TLE4: variants seen among roughly 807,000 people sequenced by gnomAD.
TLE4 encodes TLE family member 4, transcriptional corepressor.
In TLE4, 8 loss-of-function variants were observed where a neutral mutation model predicts 92.8. The ratio of observed to expected loss-of-function variants is 0.09; its 90% CI spans 0.05 to 0.16. The LOEUF (loss-of-function observed/expected upper bound fraction) is 0.16, where lower values mean the gene tolerates loss of function less well. Ranked by LOEUF, TLE4 falls within the 10% of genes least tolerant of loss-of-function variation. The pLI, the probability that TLE4 is intolerant of heterozygous loss-of-function variation, is 1.00. For missense variants in TLE4, 675 were observed against 997.6 expected (o/e 0.68, Z 4.36); for synonymous variants, 371 against 374.1 (o/e 0.99, Z 0.10).
In TLE4 at chr9:79,706,870, C is replaced by A. The variant is rs748857841; in HGVS notation, c.907C>A (p.Pro303Thr). 6.2e-7 allele frequency: 1 copy of A among 1,614,186 alleles called. No homozygotes were observed. The highest frequency in any genetic ancestry group is 8.5e-7 in the Non-Finnish European group (1 of 1,180,024). Residue 303 changes from proline (P) to threonine (T), a missense_variant, in exon 11 of 20, where the codon CCC becomes ACC. Pro to Thr is a conservative substitution (Grantham distance 38, BLOSUM62 -1). Transcript: ENST00000376552. ...CTCTATTGCATCTTCCAGCAGTACT[C>A]CCTCCTCCAAATCCAAAGAACTTAG... Reference protein sequence around the residue: ...PASIASSSSTPSSKSKELSLN... With the variant: ...PASIASSSSTTSSKSKELSLN...
At chr9:79,667,458 G>A (rs1564770184) in intron 8 of TLE4, among the ~76,000 whole-genome samples, 1 of 152,116 alleles carries the variant, frequency 6.6e-6, no homozygotes, top group Non-Finnish European at 1.5e-5. Flanking sequence ...AATGTCAATA[G>A]TTTTAATCAA....
At chr9:79,666,822 C>A (rs1418967155) in intron 8 of TLE4, among the ~76,000 whole-genome samples, 1 of 150,884 alleles carries the variant, frequency 6.6e-6, no homozygotes, top group Non-Finnish European at 1.5e-5. Flanking sequence ...TAAGACTGGG[C>A]TACCAAAAAC....
chr9:79,630,044 A>G (rs952518916), intron 6 of TLE4, among the ~76,000 whole-genome samples: 2 of 152,184 alleles, frequency 1.3e-5, no homozygotes, highest in Non-Finnish European at 2.9e-5. Context: ...AAGGAATGAC[A>G]GTTTTCCTTT....
intron 5 of TLE4, among the ~76,000 whole-genome samples, chr9:79,617,865 T>C (rs2050028978): frequency 6.6e-6 from 1 of 151,864 alleles, no homozygotes; most frequent in Admixed American, 6.6e-5. Context: ...TTCTCTCTCA[T>C]GTAATAGTAA....
intron 8 of TLE4, among the ~76,000 whole-genome samples, chr9:79,685,955 C>T (rs1472266691): frequency 6.6e-6 from 1 of 151,894 alleles, no homozygotes; most frequent in East Asian, 1.9e-4. Context: ...TTCAACTAAC[C>T]ACAGATTGAA....
chr9:79,649,941 G>A, intron 6 of TLE4: 2 of 1,226,976 alleles, frequency 1.6e-6, no homozygotes, highest in African/African-American at 1.6e-5. Context: ...TTTGAGACAG[G>A]GTTTCACTCT....
intron 4 of TLE4, among the ~76,000 whole-genome samples, chr9:79,595,062 A>G (rs2043611606): frequency 6.6e-6 from 1 of 152,196 alleles, no homozygotes; most frequent in African/African-American, 2.4e-5. Flanking sequence ...CCTGAATGGT[A>G]GTGTCTGGAG....
intron 4 of TLE4, among the ~76,000 whole-genome samples, chr9:79,601,010 T>A (rs2045518112): frequency 6.6e-6 from 1 of 152,210 alleles, no homozygotes; most frequent in Admixed American, 6.5e-5. Context: ...CTAGGGTGCT[T>A]CTAACAAATC....
chr9:79,656,227 C>T (rs1374323035), intron 8 of TLE4, among the ~76,000 whole-genome samples: 1 of 152,112 alleles, frequency 6.6e-6, no homozygotes, highest in African/African-American at 2.4e-5. Context: ...TTCCATCGAT[C>T]GTCCTCCCAT....
intron 8 of TLE4, among the ~76,000 whole-genome samples, chr9:79,654,882 G>A (rs1217388922): frequency 1.3e-5 from 2 of 152,186 alleles, no homozygotes; most frequent in South Asian, 2.1e-4. Flanking sequence ...GGTGGTTCAT[G>A]CCTGTAATCC....
chr9:79,685,265 GT>G (rs1339470539), intron 8 of TLE4, among the ~76,000 whole-genome samples: 5 of 152,096 alleles, frequency 3.3e-5, no homozygotes, highest in Non-Finnish European at 5.9e-5. Context: ...TACTGCAATA[GT>G]TTGTTTGAAA....
intron 10 of TLE4, among the ~76,000 whole-genome samples, chr9:79,706,286 A>G (rs1049255134): frequency 2.6e-5 from 4 of 152,116 alleles, no homozygotes; most frequent in Admixed American, 2.0e-4. Flanking sequence ...CTAGGATTAC[A>G]GGTGTGAGCC....
intron 12 of TLE4, 125 bp from the exon 13 acceptor site, chr9:79,708,468 T>C (rs2072311468): frequency 8.7e-7 from 1 of 1,150,488 alleles, no homozygotes; most frequent in African/African-American, 1.5e-5. Flanking sequence ...AAGGCTTGAA[T>C]GACTTTTGAG....
intron 4 of TLE4, among the ~76,000 whole-genome samples, chr9:79,611,241 T>C (rs978042583): frequency 6.6e-6 from 1 of 152,098 alleles, no homozygotes; most frequent in African/African-American, 2.4e-5. Context: ...AAAGGATGGC[T>C]AAATGCTCCA....
chr9:79,575,284 C>G (rs1262605309), intron 3 of TLE4, among the ~76,000 whole-genome samples: 1 of 152,004 alleles, frequency 6.6e-6, no homozygotes, highest in Non-Finnish European at 1.5e-5. Context: ...TGCTCTTGCT[C>G]CAAACAATTT....
chr9:79,617,226 C>T (rs1000083736), intron 5 of TLE4, among the ~76,000 whole-genome samples: 1 of 151,954 alleles, frequency 6.6e-6, no homozygotes, highest in Non-Finnish European at 1.5e-5. Flanking sequence ...TAGCTCCACA[C>T]AGGTTATCTT....
chr9:79,605,544 G>T (rs1433711359), intron 4 of TLE4, among the ~76,000 whole-genome samples: 4 of 152,110 alleles, frequency 2.6e-5, no homozygotes, highest in Admixed American at 6.5e-5. Flanking sequence ...TACCTCTAGA[G>T]AGCTCACATG....
At chr9:79,668,125 C>G (rs1351876470) in intron 8 of TLE4, among the ~76,000 whole-genome samples, 2 of 152,204 alleles carry the variant, frequency 1.3e-5, no homozygotes, top group South Asian at 2.1e-4. Flanking sequence ...GTGGTATTGA[C>G]CCATCTAGTT....
At position 79,653,001 on chromosome 9, in the gene TLE4, C is replaced by T. The variant is rs1182920102; in HGVS notation, c.592+207C>T. 14 of 678,096 alleles carry T rather than the reference C, an allele frequency of 2.1e-5. 1 individual carries two copies. In the Admixed American group the frequency reaches 2.7e-4, roughly 13 times the overall value. The allele number at this position is 678,096 out of a possible 1,614,324, so 42.0% of individuals were successfully genotyped here. On this transcript the variant is annotated intron_variant, in intron 7 of 19. Transcript: ENST00000376552. ...CAAGAGCTAACATACTCCCTAGAGG[C>T]AGAGGGGCCTATTTCTGGTTATTGC...
Sources: gnomAD v4.1 joint callset for allele counts (sites outside exome capture counted in the v4.1 genomes callset) on GRCh38, gnomAD v4.1.1 for gene constraint, MANE v1.5 for transcripts, NCBI Gene and HGNC (gene_info 2026-07-23, HGNC 2026-07-21) for gene names.